The following GIPC2 variants were observed in gnomAD, a reference collection of about 807,000 sequenced individuals.
GIPC2 encodes the protein GIPC PDZ domain containing family member 2, also known as PDZ domain-containing protein GIPC2.
Under a neutral mutation model 30.6 loss-of-function variants are expected in GIPC2, and 30 were observed. The observed-to-expected ratio is 0.98, with a 90% CI of 0.73 to 1.33. GIPC2 has a LOEUF of 1.33. Among genes scored for constraint, GIPC2 ranks in the 40% most tolerant of loss-of-function variants. The probability of loss-of-function intolerance (pLI) is 0.00; values close to 1 mark genes in which losing one functional copy is unlikely to be tolerated. For missense variants in GIPC2, 414 were observed against 390.3 expected (o/e 1.06, Z -0.51); for synonymous variants, 167 against 150.0 (o/e 1.11, Z -0.83).
intron 5 of GIPC2, among the ~76,000 whole-genome samples, chr1:78,128,394 A>G (rs918438352): frequency 6.6e-6 from 1 of 152,186 alleles, no homozygotes; most frequent in African/African-American, 2.4e-5. Flanking sequence ...TGTGGTCTGG[A>G]GTGAATCACA....
At chr1:78,075,226 CAGG>C in intron 1 of GIPC2, among the ~76,000 whole-genome samples, 1 of 152,246 alleles carries the variant, frequency 6.6e-6, no homozygotes, top group Non-Finnish European at 1.5e-5. Flanking sequence ...GGAGGCCAAG[CAGG>C]AGGATCGCTT....
chr1:78,072,075 C>A (rs1287243798), intron 1 of GIPC2, among the ~76,000 whole-genome samples: 2 of 152,140 alleles, frequency 1.3e-5, no homozygotes, highest in Admixed American at 6.5e-5. Flanking sequence ...ATATATGTGA[C>A]CCTACACAAG....
chr1:78,109,643 A>G (rs1259581480), intron 3 of GIPC2, among the ~76,000 whole-genome samples: 1 of 152,222 alleles, frequency 6.6e-6, no homozygotes, highest in Non-Finnish European at 1.5e-5. Flanking sequence ...CCTGGGATAT[A>G]GTCAATGCTT....
intron 3 of GIPC2, among the ~76,000 whole-genome samples, chr1:78,102,203 T>G (rs1049114551): frequency 6.6e-6 from 1 of 152,224 alleles, no homozygotes; most frequent in Admixed American, 6.5e-5. Flanking sequence ...ATATCTTCTT[T>G]TAGAAGATTC....
Position 78,095,051 on chromosome 1 carries a change from T to C in GIPC2, c.526T>C (p.Tyr176His), listed in dbSNP as rs756861856. 1.2e-6 allele frequency: 2 copies of C among 1,608,574 alleles called. No individual in the cohort carries two copies. Among genetic ancestry groups the C allele is most frequent in the East Asian group, 4.5e-5 (2 of 44,842 alleles). The change falls in exon 3 of 6, where the codon TAT becomes CAT. Residue 176 changes from tyrosine (Y) to histidine (H), a missense_variant. Coordinates refer to ENST00000370759, the MANE Select transcript of GIPC2 (RefSeq NM_017655.6). ...AGAAAATATTGTTGGGTGGCGTCAC[T>C]ATGATGTTGCTAAGAAGTTAAAGGA... ...NGENIVGWRH[Y>H]DVAKKLKELK... is the part of the protein sequence containing the mutation.
At chr1:78,049,413 G>A (rs1406487247) in intron 1 of GIPC2, among the ~76,000 whole-genome samples, 2 of 152,112 alleles carry the variant, frequency 1.3e-5, no homozygotes, top group Non-Finnish European at 2.9e-5. Context: ...TGCCCGCCTC[G>A]GCCTCCCAAA....
chr1:78,125,991 A>G (rs767801233), intron 5 of GIPC2, 29 bp downstream of exon 5: 3 of 995,154 alleles, frequency 3.0e-6, no homozygotes, highest in Non-Finnish European at 3.2e-6. Flanking sequence ...AAAAAGTCTT[A>G]TATCTCTTAA....
At chr1:78,068,188 A>G (rs1213860080) in intron 1 of GIPC2, among the ~76,000 whole-genome samples, 1 of 107,390 alleles carries the variant, frequency 9.3e-6, no homozygotes, top group Non-Finnish European at 2.3e-5. Context: ...CTAGGCATAG[A>G]GAGTACCTGT....
chr1:78,074,150 A>G (rs1476058868), intron 1 of GIPC2, among the ~76,000 whole-genome samples: 1 of 152,232 alleles, frequency 6.6e-6, no homozygotes, highest in Non-Finnish European at 1.5e-5. Context: ...TTTCAAGCAT[A>G]AGTATAAATA....
chr1:78,081,128 A>G (rs1280000442), intron 2 of GIPC2, among the ~76,000 whole-genome samples: 2 of 152,174 alleles, frequency 1.3e-5, no homozygotes, highest in Non-Finnish European at 2.9e-5. Flanking sequence ...CTCATTATCC[A>G]TATAAGCTTT....
intron 3 of GIPC2, among the ~76,000 whole-genome samples, chr1:78,103,985 C>T (rs2100396572): frequency 6.6e-6 from 1 of 152,270 alleles, no homozygotes; most frequent in Non-Finnish European, 1.5e-5. Flanking sequence ...GGCCCTTGTA[C>T]ACACTGGGTG....
chr1:78,130,199 T>C (rs904614883), intron 5 of GIPC2, among the ~76,000 whole-genome samples: 7 of 149,966 alleles, frequency 4.7e-5, no homozygotes, highest in Middle Eastern at 3.5e-3. Context: ...GCCTCCCGGG[T>C]TCAAGCGATT....
chr1:78,119,298 A>G (rs921137721), intron 3 of GIPC2, 95 bp from the exon 4 acceptor site: 7 of 682,000 alleles, frequency 1.0e-5, no homozygotes, highest in Admixed American at 2.7e-5. Context: ...TAACAATTGT[A>G]TATAGTTTTG....
intron 3 of GIPC2, among the ~76,000 whole-genome samples, chr1:78,116,691 GT>G (rs1450494509): frequency 2.0e-5 from 3 of 152,120 alleles, no homozygotes; most frequent in Admixed American, 6.6e-5. Flanking sequence ...GAACTCATCA[GT>G]TTTTATGGCT....
Position 78,068,612 on chromosome 1 carries a change from A to G in GIPC2, c.241-12063A>G, listed in dbSNP as rs141996596. ...CTATAATTACTCTGGAACAACAGGG[A>G]TAAACTGGGACCTAGAGTTATCCCA... On this transcript the variant is annotated intron_variant, in intron 1 of 5. Transcript: ENST00000370759. Among the ~76,000 whole-genome samples the G allele has an allele frequency of 2.2e-3, 333 of 152,362 alleles. 1 individual carries two copies. The highest frequency in any genetic ancestry group is 7.8e-3 in the African/African-American group (324 of 41,582).
chr1:78,088,903 T>C (rs1484183774), intron 2 of GIPC2: 1 of 152,096 alleles, frequency 6.6e-6, no homozygotes, highest in Non-Finnish European at 1.5e-5. Flanking sequence ...AACTCTTCTA[T>C]CCCATTACTT....
At chr1:78,099,495 G>A (rs2100387420) in intron 3 of GIPC2, among the ~76,000 whole-genome samples, 1 of 150,248 alleles carries the variant, frequency 6.7e-6, no homozygotes, top group Non-Finnish European at 1.5e-5. Context: ...ATGGAGTACA[G>A]TGGCACGATC....
intron 1 of GIPC2, among the ~76,000 whole-genome samples, chr1:78,054,789 A>G (rs1661256399): frequency 6.6e-6 from 1 of 152,204 alleles, no homozygotes; most frequent in Non-Finnish European, 1.5e-5. Context: ...TCAGGAGGGT[A>G]TGAAATGGAT....
At position 78,125,923 on chromosome 1, in the gene GIPC2, G is replaced by A. The variant is rs1181244874; in HGVS notation, c.757G>A (p.Val253Ile). 2 of 1,589,378 alleles carry A rather than the reference G, an allele frequency of 1.3e-6. No individual in the cohort carries two copies. The highest frequency in any genetic ancestry group is 1.7e-5 in the Admixed American group (1 of 59,952). Residue 253 changes from valine (V) to isoleucine (I), a missense_variant, in exon 5 of 6, where the codon GTT becomes ATT. Coordinates refer to ENST00000370759, the MANE Select transcript of GIPC2 (RefSeq NM_017655.6). ...AAAGGCAATTGAAAAGATTGATGATGTTCTTGAGTTGTACATGGGAATTCG... is the reference window on the plus strand; with the variant it reads ...AAAGGCAATTGAAAAGATTGATGATATTCTTGAGTTGTACATGGGAATTCG... ...KAKAIEKIDD[V>I]LELYMGIRDI...
Sources: gnomAD v4.1 joint callset for allele counts (sites outside exome capture counted in the v4.1 genomes callset) on GRCh38, gnomAD v4.1.1 for gene constraint, MANE v1.5 for transcripts, NCBI Gene and HGNC (gene_info 2026-07-23, HGNC 2026-07-21) for gene names.